Variants in G3BP1 observed in about 807,000 individuals in gnomAD.
G3BP1 encodes the protein G3BP stress granule assembly factor 1.
G3BP1 carries 35 observed loss-of-function variants against 58.6 expected under a neutral mutation model. The observed-to-expected ratio is 0.60, with a 90% CI of 0.46 to 0.79. The LOEUF (loss-of-function observed/expected upper bound fraction) is 0.79, where lower values mean the gene tolerates loss of function less well. Ranked by LOEUF, G3BP1 falls within the 30% of genes least tolerant of loss-of-function variation. G3BP1 has a pLI of 0.00. For missense variants in G3BP1, 523 were observed against 580.8 expected (o/e 0.90, Z 1.02); for synonymous variants, 191 against 195.4 (o/e 0.98, Z 0.19).
At chr5:151,796,574 A>G (rs1284212101) in intron 6 of G3BP1, among the ~76,000 whole-genome samples, 1 of 152,124 alleles carries the variant, frequency 6.6e-6, no homozygotes, top group Admixed American at 6.5e-5. Context: ...CTGCAGTTTT[A>G]ACAGCATTTC....
chr5:151,800,042 A>G, intron 9 of G3BP1, 42 bp downstream of exon 9: 1 of 1,351,822 alleles, frequency 7.4e-7, no homozygotes. Flanking sequence ...GGGGATTTTG[A>G]GGTGAGAGCT....
chr5:151,791,098 T>C (rs933484644), intron 4 of G3BP1, 36 bp downstream of exon 4: 1 of 1,521,098 alleles, frequency 6.6e-7, no homozygotes, highest in Non-Finnish European at 9.1e-7. Context: ...AGTGATCCAA[T>C]ACATGAAAAA....
At chr5:151,796,546 G>C (rs1439532838) in intron 6 of G3BP1, among the ~76,000 whole-genome samples, 2 of 152,192 alleles carry the variant, frequency 1.3e-5, no homozygotes, top group Non-Finnish European at 2.9e-5. Flanking sequence ...GGGATTACAG[G>C]TGTGTGCCCA....
intron 1 of G3BP1, among the ~76,000 whole-genome samples, chr5:151,781,407 C>T (rs1278150604): frequency 6.6e-6 from 1 of 152,206 alleles, no homozygotes; most frequent in Non-Finnish European, 1.5e-5. Context: ...GCTTACAACA[C>T]TGTGTGATGC....
chr5:151,791,659 C>G (rs1762654985), intron 4 of G3BP1: 1 of 157,184 alleles, frequency 6.4e-6, no homozygotes, highest in Non-Finnish European at 1.4e-5. Flanking sequence ...TCTTTTCTCT[C>G]TCTCTCTTTT....
intron 7 of G3BP1, among the ~76,000 whole-genome samples, chr5:151,798,779 A>G (rs1390563714): frequency 6.6e-6 from 1 of 152,202 alleles, no homozygotes; most frequent in South Asian, 2.1e-4. Flanking sequence ...AGCCTGGTCA[A>G]TATAGTGAGA....
At chr5:151,774,884 T>A (rs184555782) in intron 1 of G3BP1, among the ~76,000 whole-genome samples, 3 of 152,318 alleles carry the variant, frequency 2.0e-5, no homozygotes, top group Admixed American at 6.5e-5. Context: ...CACAATGTGG[T>A]GGCACACTAG....
intron 1 of G3BP1, among the ~76,000 whole-genome samples, chr5:151,772,860 G>A (rs1762297895): frequency 6.6e-6 from 1 of 152,258 alleles, no homozygotes; most frequent in African/African-American, 2.4e-5. Context: ...GCCTCAAAAG[G>A]CCACCTGCCG....
rs1243295376 is a variant in G3BP1, at chr5:151,790,317, T to G, written c.96-6T>G. 1 of 1,475,372 alleles carries G rather than the reference T, an allele frequency of 6.8e-7. No individual in the cohort carries two copies. Among genetic ancestry groups the G allele is most frequent in the Non-Finnish European group, 9.3e-7 (1 of 1,076,600 alleles). The allele number at this position is 1,475,372 out of a possible 1,614,324, so 91.4% of individuals were successfully genotyped here. On this transcript the variant is annotated splice_region_variant and splice_polypyrimidine_tract_variant and intron_variant, in intron 2 of 11. Coordinates refer to ENST00000356245, the MANE Select transcript of G3BP1 (RefSeq NM_005754.3). ...ATGACAAGTAAATCATCTTCCCATT[T>G]TACAGATTTTATGGAAAGAACTCTT...
intron 4 of G3BP1, among the ~76,000 whole-genome samples, chr5:151,793,855 A>T (rs908225908): frequency 8.8e-4 from 134 of 151,916 alleles, no homozygotes; most frequent in Non-Finnish European, 1.5e-3. Context: ...AAAAAAAGAA[A>T]AAAGAGAAAT....
rs1355299785 is a variant in G3BP1, at chr5:151,810,545, A to AG, written c.*6455dup. The stretch of plus-strand genomic sequence containing the variant: ...TTCTAGAGCACTTTGTCTTTCTCGT[A>AG]GTTCATAACTTACCCCTTCAGTCTA... On this transcript the variant is annotated 3_prime_UTR_variant, in exon 12 of 12. Coordinates refer to ENST00000356245, the MANE Select transcript of G3BP1 (RefSeq NM_005754.3). 6.6e-6 allele frequency: 1 copy of AG among 152,144 alleles called. No homozygotes were observed. The highest frequency in any genetic ancestry group is 2.4e-5 in the African/African-American group (1 of 41,422). The allele number at this position is 152,144 out of a possible 1,614,324, so 9.4% of individuals were successfully genotyped here.
intron 1 of G3BP1, among the ~76,000 whole-genome samples, 177 bp from the exon 2 acceptor site, chr5:151,786,395 C>A (rs1561532750): frequency 6.6e-6 from 1 of 152,022 alleles, no homozygotes; most frequent in Non-Finnish European, 1.5e-5. Context: ...TAATGATTTC[C>A]CCCTTTTGTA....
At chr5:151,774,274 G>A (rs1320504248) in intron 1 of G3BP1, among the ~76,000 whole-genome samples, 1 of 152,032 alleles carries the variant, frequency 6.6e-6, no homozygotes, top group Non-Finnish European at 1.5e-5. Flanking sequence ...TGCACCAGGG[G>A]AACATTAGGA....
chr5:151,794,222 G>A lies in G3BP1; in HGVS notation c.415G>A (p.Gly139Ser). The A allele has an allele frequency of 6.2e-7, 1 of 1,609,448 alleles. No individual in the cohort carries two copies. Among genetic ancestry groups the A allele is most frequent in the Admixed American group, 1.7e-5 (1 of 60,018 alleles). Residue 139 changes from glycine (G) to serine (S), a missense_variant, in exon 5 of 12, where the codon GGT (glycine) becomes AGT (serine). Gly to Ser is a moderately conservative substitution (Grantham distance 56, BLOSUM62 0). Around this residue, in one of 2 missense-constraint regions of G3BP1, gnomAD observed 398 missense variants for 399.1 expected, o/e 1.00. Coordinates refer to ENST00000356245, the MANE Select transcript of G3BP1 (RefSeq NM_005754.3). Reference protein sequence around the residue: ...DIFRYQDEVFGGFVTEPQEES... With the variant: ...DIFRYQDEVFSGFVTEPQEES... ...CTTCAGATACCAAGATGAGGTCTTT[G>A]GTGGGTTTGTCACTGAGCCTCAGGA...
intron 11 of G3BP1, 85 bp downstream of exon 11, chr5:151,800,954 T>C: frequency 1.5e-6 from 1 of 671,564 alleles, no homozygotes; most frequent in African/African-American, 1.8e-5. Flanking sequence ...AGCTGGGTCT[T>C]TATGTAAAGT....
chr5:151,797,078 A>G (rs1346259453), intron 6 of G3BP1, 149 bp from the exon 7 acceptor site: 2 of 714,562 alleles, frequency 2.8e-6, no homozygotes, highest in Non-Finnish European at 4.6e-6. Flanking sequence ...TTACTTTTTA[A>G]AAACTCAGAT....
At chr5:151,775,580 T>C (rs1343353724) in intron 1 of G3BP1, among the ~76,000 whole-genome samples, 1 of 152,276 alleles carries the variant, frequency 6.6e-6, no homozygotes, top group Non-Finnish European at 1.5e-5. Context: ...TTCTCCCATA[T>C]GCTGTTTATG....
chr5:151,802,919 C>T (rs577654172), intron 11 of G3BP1, among the ~76,000 whole-genome samples: 7 of 152,134 alleles, frequency 4.6e-5, no homozygotes, highest in Admixed American at 1.3e-4. Flanking sequence ...GGCAGCAGAG[C>T]GAGACTCCAT....
At chr5:151,775,199 G>GTA (rs922655648) in intron 1 of G3BP1, among the ~76,000 whole-genome samples, 3 of 152,288 alleles carry the variant, frequency 2.0e-5, no homozygotes, top group African/African-American at 7.2e-5. Context: ...TATGTGTGTT[G>GTA]TATCTTAGGT....
Sources: gnomAD v4.1 joint callset for allele counts (sites outside exome capture counted in the v4.1 genomes callset) on GRCh38, gnomAD v4.1.1 for gene constraint, gnomAD v4.1.1 regional missense constraint, MANE v1.5 for transcripts, NCBI Gene and HGNC (gene_info 2026-07-23, HGNC 2026-07-21) for gene names.